TMEM132B: variants seen among roughly 807,000 people sequenced by gnomAD.
TMEM132B encodes the protein transmembrane protein 132B.
Under a neutral mutation model 90.8 loss-of-function variants are expected in TMEM132B, and 18 were observed. That is an observed-to-expected ratio of 0.20 (90% CI 0.14 to 0.29). TMEM132B has a LOEUF of 0.29. Ranked by LOEUF, TMEM132B falls within the 10% of genes least tolerant of loss-of-function variation. The pLI, the probability that TMEM132B is intolerant of heterozygous loss-of-function variation, is 1.00. For synonymous variants in TMEM132B, 504 were observed against 523.3 expected (o/e 0.96, Z 0.50); for missense variants, 1,096 against 1,326.8 (o/e 0.83, Z 2.70).
At chr12:125,404,462 C>G (rs560042600) in intron 2 of TMEM132B, among the ~76,000 whole-genome samples, 2 of 152,264 alleles carry the variant, frequency 1.3e-5, no homozygotes, top group South Asian at 4.1e-4. Context: ...GGACATCTCA[C>G]AAGGTAGGAG....
At chr12:125,623,088 C>T (rs1203179166) in intron 5 of TMEM132B, among the ~76,000 whole-genome samples, 1 of 152,150 alleles carries the variant, frequency 6.6e-6, no homozygotes, top group African/African-American at 2.4e-5. Flanking sequence ...TCGGGGAGTG[C>T]AGTCAGAACT....
chr12:125,438,740 T>C (rs185324228), intron 3 of TMEM132B, among the ~76,000 whole-genome samples: 141 of 151,174 alleles, frequency 9.3e-4, no homozygotes, highest in Middle Eastern at 6.8e-3. Context: ...AATGTTTATA[T>C]AATTTTACTA....
chr12:125,356,109 T>C (rs1877765214), intron 2 of TMEM132B, among the ~76,000 whole-genome samples: 1 of 152,142 alleles, frequency 6.6e-6, no homozygotes, highest in South Asian at 2.1e-4. Context: ...AAATATAATA[T>C]CTCTGGGGCT....
intron 2 of TMEM132B, among the ~76,000 whole-genome samples, chr12:125,402,890 G>A (rs1310914499): frequency 1.3e-5 from 2 of 152,120 alleles, no homozygotes; most frequent in Non-Finnish European, 2.9e-5. Flanking sequence ...TCAGAAATTG[G>A]TTATTATGTA....
intron 2 of TMEM132B, among the ~76,000 whole-genome samples, chr12:125,351,693 GT>G: frequency 6.6e-6 from 1 of 152,328 alleles, no homozygotes; most frequent in East Asian, 1.9e-4. Flanking sequence ...GAAGTTAAAA[GT>G]TTCAAAAACT....
At chr12:125,590,040 G>T (rs1288817582) in intron 5 of TMEM132B, among the ~76,000 whole-genome samples, 1 of 152,142 alleles carries the variant, frequency 6.6e-6, no homozygotes, top group East Asian at 1.9e-4. Flanking sequence ...GTTCACATGA[G>T]ACCTGGTTGT....
At chr12:125,630,969 T>C (rs994471463) in intron 5 of TMEM132B, among the ~76,000 whole-genome samples, 1 of 152,276 alleles carries the variant, frequency 6.6e-6, no homozygotes, top group East Asian at 1.9e-4. Flanking sequence ...TTTGTATTGT[T>C]TTATTTAATT....
chr12:125,339,802 A>G (rs1201488567), intron 1 of TMEM132B, among the ~76,000 whole-genome samples: 2 of 152,182 alleles, frequency 1.3e-5, no homozygotes, highest in Non-Finnish European at 2.9e-5. Flanking sequence ...GCACCCCCCA[A>G]TGGCCTTATT....
chr12:125,405,444 G>A (rs1040328677), intron 2 of TMEM132B, among the ~76,000 whole-genome samples: 3 of 152,318 alleles, frequency 2.0e-5, no homozygotes, highest in African/African-American at 7.2e-5. Flanking sequence ...GTCACATTGT[G>A]AGGTTCTGGG....
chr12:125,436,859 T>C (rs926753603), intron 3 of TMEM132B, among the ~76,000 whole-genome samples: 1 of 152,166 alleles, frequency 6.6e-6, no homozygotes, highest in African/African-American at 2.4e-5. Context: ...CTGGCATGGT[T>C]CCAGCCCATC....
At chr12:125,288,088 G>A (rs141149524) in intron 1 of TMEM132B, among the ~76,000 whole-genome samples, 1,808 of 151,534 alleles carry the variant, frequency 0.012, 28 homozygotes, top group African/African-American at 0.039. Context: ...TGGCCAGGCT[G>A]GTCTTAAACT....
intron 1 of TMEM132B, among the ~76,000 whole-genome samples, chr12:125,253,432 C>A (rs867800705): frequency 5.9e-4 from 89 of 150,432 alleles, no homozygotes; most frequent in African/African-American, 1.6e-3. Flanking sequence ...CTTTCCCCCC[C>A]ACTTTTTTTT....
chr12:125,320,597 G>C (rs1480615970), intron 1 of TMEM132B, among the ~76,000 whole-genome samples: 2 of 152,136 alleles, frequency 1.3e-5, no homozygotes, highest in African/African-American at 2.4e-5. Flanking sequence ...AAGAACTCAG[G>C]CCTGTTTCCA....
intron 1 of TMEM132B, among the ~76,000 whole-genome samples, chr12:125,334,402 G>A (rs1876887734): frequency 7.7e-6 from 1 of 130,286 alleles, no homozygotes; most frequent in Non-Finnish European, 1.6e-5. Flanking sequence ...AAGGGGAGAG[G>A]AGCTAGGGGT....
At chr12:125,411,279 G>C (rs1879827723) in intron 2 of TMEM132B, among the ~76,000 whole-genome samples, 1 of 149,930 alleles carries the variant, frequency 6.7e-6, no homozygotes, top group Non-Finnish European at 1.5e-5. Context: ...CAAACACCGC[G>C]TGTTCTCACT....
chr12:125,385,293 G>A (rs1237470373), intron 2 of TMEM132B, among the ~76,000 whole-genome samples: 1 of 152,050 alleles, frequency 6.6e-6, no homozygotes, highest in Non-Finnish European at 1.5e-5. Context: ...GATAATATTT[G>A]AAGGGATAAA....
chr12:125,598,458 G>C (rs1029364824), intron 5 of TMEM132B, among the ~76,000 whole-genome samples: 2 of 152,148 alleles, frequency 1.3e-5, no homozygotes, highest in Non-Finnish European at 2.9e-5. Flanking sequence ...GGGTCTTTCA[G>C]TGTAAATCAA....
chr12:125,575,236 A>G (rs1884915721), intron 4 of TMEM132B, among the ~76,000 whole-genome samples: 1 of 150,630 alleles, frequency 6.6e-6, no homozygotes, highest in South Asian at 2.1e-4. Context: ...AACACTTGTT[A>G]TTTTATGTCT....
At chr12:125,225,821 T>G (rs181355939) in intron 1 of TMEM132B, among the ~76,000 whole-genome samples, 7 of 152,160 alleles carry the variant, frequency 4.6e-5, no homozygotes, top group South Asian at 2.1e-4. Flanking sequence ...TTACTTGCGT[T>G]CCATTAATTC....
Sources: gnomAD v4.1 joint callset for allele counts (sites outside exome capture counted in the v4.1 genomes callset) on GRCh38, gnomAD v4.1.1 for gene constraint, MANE v1.5 for transcripts, NCBI Gene and HGNC (gene_info 2026-07-23, HGNC 2026-07-21) for gene names.